The following FSTL4 variants were observed in gnomAD, a reference collection of about 807,000 sequenced individuals.
FSTL4 encodes follistatin-related protein 4.
Under a neutral mutation model 78.2 loss-of-function variants are expected in FSTL4, and 28 were observed. That is an observed-to-expected ratio of 0.36 (90% CI 0.27 to 0.49). The LOEUF is 0.49. Ranked by LOEUF, FSTL4 falls within the 20% of genes least tolerant of loss-of-function variation. The pLI is 0.98. For missense variants in FSTL4, 922 were observed against 1,084.9 expected (o/e 0.85, Z 2.11); for synonymous variants, 422 against 440.5 (o/e 0.96, Z 0.53).
At chr5:133,819,307 G>A in the FSTL4 span, among the ~76,000 whole-genome samples, 1 of 152,044 alleles carries the variant, frequency 6.6e-6, no homozygotes, top group African/African-American at 2.4e-5. Context: ...TTGGGAGGAA[G>A]CCTTCCCTTC....
the FSTL4 span, among the ~76,000 whole-genome samples, chr5:133,625,466 T>C: frequency 6.6e-6 from 1 of 151,370 alleles, no homozygotes; most frequent in Non-Finnish European, 1.5e-5. Context: ...TAGTCCTTGT[T>C]TAATTCCTGG....
intron 7 of FSTL4, among the ~76,000 whole-genome samples, chr5:133,240,006 C>T (rs550119029): frequency 6.6e-5 from 10 of 152,344 alleles, no homozygotes; most frequent in African/African-American, 2.4e-4. Context: ...GCTGGGATTC[C>T]TTTCCACGCA....
chr5:133,563,943 C>T (rs1378453741), intron 3 of FSTL4, among the ~76,000 whole-genome samples: 1 of 152,170 alleles, frequency 6.6e-6, no homozygotes, highest in Non-Finnish European at 1.5e-5. Context: ...CCATAATAAA[C>T]CACAAACTAA....
the FSTL4 span, among the ~76,000 whole-genome samples, chr5:133,782,992 A>G: frequency 1.3e-5 from 2 of 152,208 alleles, no homozygotes; most frequent in African/African-American, 4.8e-5. Flanking sequence ...AGGCATTCCA[A>G]TGATTGCTTT....
At chr5:133,425,868 G>A (rs1341606552) in intron 3 of FSTL4, among the ~76,000 whole-genome samples, 2 of 152,250 alleles carry the variant, frequency 1.3e-5, no homozygotes, top group Non-Finnish European at 2.9e-5. Context: ...AGTGGCGGAA[G>A]AAATCCAGAA....
At chr5:133,496,853 A>G (rs1008801136) in intron 3 of FSTL4, among the ~76,000 whole-genome samples, 6 of 152,080 alleles carry the variant, frequency 3.9e-5, no homozygotes, top group Non-Finnish European at 8.8e-5. Flanking sequence ...CCCACTCAGC[A>G]GCTAGTCTTG....
At chr5:133,685,375 G>T in the FSTL4 span, among the ~76,000 whole-genome samples, 4 of 152,298 alleles carry the variant, frequency 2.6e-5, no homozygotes, top group East Asian at 3.9e-4. Flanking sequence ...GGCCAGCTGC[G>T]TTGGGAAAGG....
At chr5:133,404,722 C>G (rs952615702) in intron 3 of FSTL4, among the ~76,000 whole-genome samples, 4 of 152,030 alleles carry the variant, frequency 2.6e-5, no homozygotes, top group Admixed American at 2.6e-4. Context: ...CCCGTCTGAC[C>G]CCGGTGGAAG....
At chr5:133,283,127 C>T (rs141108178) in intron 6 of FSTL4, among the ~76,000 whole-genome samples, 52 of 152,266 alleles carry the variant, frequency 3.4e-4, no homozygotes, top group Non-Finnish European at 6.5e-4. Flanking sequence ...GAGAGCTGCT[C>T]ATTGGTGACA....
At chr5:133,279,016 C>A (rs947980694) in intron 6 of FSTL4, among the ~76,000 whole-genome samples, 1 of 152,222 alleles carries the variant, frequency 6.6e-6, no homozygotes, top group African/African-American at 2.4e-5. Context: ...CCAGCCCTGG[C>A]CAGCAGGCTT....
At chr5:133,557,566 A>T (rs748348974) in intron 3 of FSTL4, among the ~76,000 whole-genome samples, 1 of 152,196 alleles carries the variant, frequency 6.6e-6, no homozygotes, top group African/African-American at 2.4e-5. Flanking sequence ...TGCATGAATC[A>T]CATGACCTGA....
At chr5:133,783,024 G>C in the FSTL4 span, among the ~76,000 whole-genome samples, 123 of 152,242 alleles carry the variant, frequency 8.1e-4, no homozygotes, top group African/African-American at 2.8e-3. Flanking sequence ...TCTCAGCACC[G>C]TCACCAGCAC....
At chr5:133,686,936 G>T in the FSTL4 span, among the ~76,000 whole-genome samples, 3 of 152,240 alleles carry the variant, frequency 2.0e-5, no homozygotes, top group African/African-American at 4.8e-5. Flanking sequence ...TCTGGACAGT[G>T]GTTGGTGGGA....
intron 3 of FSTL4, among the ~76,000 whole-genome samples, chr5:133,550,219 G>A (rs1185790231): frequency 1.3e-5 from 2 of 152,152 alleles, no homozygotes; most frequent in South Asian, 4.1e-4. Context: ...TTTTAAGTGG[G>A]AGAGTCAGCT....
intron 3 of FSTL4, among the ~76,000 whole-genome samples, chr5:133,432,751 G>C (rs1261965073): frequency 6.6e-6 from 1 of 152,152 alleles, no homozygotes; most frequent in African/African-American, 2.4e-5. Context: ...GGGTGGGTGG[G>C]TGGCTGGCGA....
chr5:133,535,077 G>A lies in FSTL4; in HGVS notation c.160+32109C>T, dbSNP rs151335199. On this transcript the variant is annotated intron_variant, in intron 3 of 15. Transcript: ENST00000265342. ...AGGGGGGTTATCTGACAGGATGGTT[G>A]GCCTCATAAGAAGAGGCACAGAGAA... Among the ~76,000 whole-genome samples the A allele has an allele frequency of 2.0e-5, 3 of 152,248 alleles. No homozygotes were observed. The East Asian group carries it at 5.8e-4, about 29-fold the overall frequency.
chr5:133,307,417 C>T (rs541651515), intron 6 of FSTL4, among the ~76,000 whole-genome samples: 13 of 152,338 alleles, frequency 8.5e-5, no homozygotes, highest in African/African-American at 2.9e-4. Flanking sequence ...GAATCAGACA[C>T]GCCCACTAAA....
intron 4 of FSTL4, among the ~76,000 whole-genome samples, chr5:133,385,250 G>A (rs561209500): frequency 3.5e-4 from 53 of 152,226 alleles, no homozygotes; most frequent in Non-Finnish European, 5.9e-4. Context: ...AGGTATGAAT[G>A]GCCCAGATGC....
rs1750226345 is a variant in FSTL4, at chr5:133,198,972, G to A, written c.*123C>T. 1 of 600,652 alleles carries A rather than the reference G, an allele frequency of 1.7e-6. No homozygotes were observed. Among genetic ancestry groups the A allele is most frequent in the African/African-American group, 1.8e-5 (1 of 54,256 alleles). 37.2% of individuals were successfully genotyped at this position (600,652 alleles called of 1,614,324 possible). On this transcript the variant is annotated 3_prime_UTR_variant, in exon 16 of 16. Coordinates refer to ENST00000265342, the MANE Select transcript of FSTL4 (RefSeq NM_015082.2). ...CTAGGAAACTTGCAAGGAGACCAGT[G>A]TTGAACCACAAAGCGAGTACAGGTT...
Sources: allele counts gnomAD v4.1 joint callset (sites outside exome capture counted in the v4.1 genomes callset), GRCh38; gene constraint gnomAD v4.1.1; transcripts MANE v1.5; gene names NCBI Gene and HGNC (gene_info 2026-07-23, HGNC 2026-07-21).